EDAR: variants seen among roughly 807,000 people sequenced by gnomAD.
The protein encoded by EDAR is tumor necrosis factor receptor superfamily member EDAR.
Under a neutral mutation model 51.3 loss-of-function variants are expected in EDAR, and 38 were observed. The ratio of observed to expected loss-of-function variants is 0.74; its 90% confidence interval spans 0.57 to 0.97. The LOEUF is 0.97. Ranked by LOEUF, EDAR falls within the 50% of genes least tolerant of loss-of-function variation. The probability of loss-of-function intolerance (pLI) is 0.00; values close to 1 mark genes in which losing one functional copy is unlikely to be tolerated. For synonymous variants in EDAR, 227 were observed against 242.1 expected (o/e 0.94, Z 0.58); for missense variants, 528 against 595.0 (o/e 0.89, Z 1.17).
chr2:108,930,021 G>A, intron 3 of EDAR, 99 bp downstream of exon 3: 1 of 1,422,892 alleles, frequency 7.0e-7, no homozygotes, highest in Admixed American at 2.2e-5. Flanking sequence ...ATATACCCTG[G>A]CATCCCCTCA....
chr2:108,910,638 G>A, intron 8 of EDAR, 106 bp from the exon 9 acceptor site: 2 of 1,388,620 alleles, frequency 1.4e-6, no homozygotes, highest in Non-Finnish European at 2.0e-6. Context: ...CCCGGTGTCT[G>A]TGTGGCACCA....
intron 1 of EDAR, among the ~76,000 whole-genome samples, chr2:108,946,443 C>A (rs1286116679): frequency 6.6e-6 from 1 of 152,168 alleles, no homozygotes; most frequent in Non-Finnish European, 1.5e-5. Context: ...ATTGGCAGCA[C>A]CAAACAATTC....
At chr2:108,967,940 C>T (rs1698175495) in intron 1 of EDAR, among the ~76,000 whole-genome samples, 1 of 152,192 alleles carries the variant, frequency 6.6e-6, no homozygotes, top group Non-Finnish European at 1.5e-5. Context: ...CTTTGCGGAG[C>T]TGGAGGGCCC....
intron 7 of EDAR, 39 bp from the exon 8 acceptor site, chr2:108,910,889 A>G (rs1466592183): frequency 1.2e-6 from 2 of 1,613,926 alleles, no homozygotes; most frequent in Non-Finnish European, 1.7e-6. Flanking sequence ...AGGCTCTCCG[A>G]CAGGGGGAGT....
chr2:108,925,975 C>T (rs1452727642), intron 4 of EDAR, among the ~76,000 whole-genome samples: 1 of 152,198 alleles, frequency 6.6e-6, no homozygotes. Context: ...TGTCCTTCCT[C>T]ACCCAGTGAG....
intron 10 of EDAR, among the ~76,000 whole-genome samples, chr2:108,907,563 G>A (rs1696834366): frequency 6.6e-6 from 1 of 151,802 alleles, no homozygotes; most frequent in African/African-American, 2.4e-5. Context: ...CAGGAGAATT[G>A]CTTGAACCCA....
intron 1 of EDAR, among the ~76,000 whole-genome samples, chr2:108,985,168 A>AG (rs1306983910): frequency 6.6e-6 from 1 of 152,180 alleles, no homozygotes; most frequent in African/African-American, 2.4e-5. Context: ...ATTTGGGCTC[A>AG]CCTTTTAGTT....
At chr2:108,897,311 T>G in intron 11 of EDAR, 82 bp from the exon 12 acceptor site, 1 of 1,343,482 alleles carries the variant, frequency 7.4e-7, no homozygotes, top group Non-Finnish European at 1.0e-6. Flanking sequence ...TTAAATGAAA[T>G]AAAAATTATT....
intron 1 of EDAR, among the ~76,000 whole-genome samples, chr2:108,978,783 G>A (rs984753507): frequency 6.6e-6 from 1 of 152,134 alleles, no homozygotes; most frequent in South Asian, 2.1e-4. Flanking sequence ...CTGGAGAAAA[G>A]ACGGGAAAAT....
chr2:108,947,332 T>C (rs1234932035), intron 1 of EDAR, among the ~76,000 whole-genome samples: 1 of 152,148 alleles, frequency 6.6e-6, no homozygotes, highest in Non-Finnish European at 1.5e-5. Context: ...CTGTGGATTT[T>C]CCAAGTGCAT....
At chr2:108,975,019 T>C (rs1698297969) in intron 1 of EDAR, among the ~76,000 whole-genome samples, 1 of 152,170 alleles carries the variant, frequency 6.6e-6, no homozygotes, top group Non-Finnish European at 1.5e-5. Context: ...CAGCAAGCAC[T>C]GCCTTTCTAC....
rs746228812 is a variant in EDAR at position 108,942,619 on chromosome 2, G to C, written c.-18-11587C>G. ...TCTGCGCTGAGTGAGGCCGTGAGGC[G>C]GGCGGTTCCGCCACCTGCTTTCCAC... On this transcript the variant is annotated intron_variant, in intron 1 of 11. Transcript: ENST00000258443. 2.0e-5 allele frequency among the ~76,000 whole-genome samples: 3 copies of C among 152,272 alleles called. No homozygotes were observed. In the South Asian group the frequency reaches 6.2e-4, roughly 32 times the overall value.
intron 1 of EDAR, among the ~76,000 whole-genome samples, chr2:108,943,615 C>T (rs565653175): frequency 1.2e-4 from 19 of 152,146 alleles, no homozygotes; most frequent in Non-Finnish European, 2.5e-4. Context: ...GACTCACTTC[C>T]GAGCACAACA....
At chr2:108,921,744 C>G (rs1351370653) in intron 5 of EDAR, among the ~76,000 whole-genome samples, 2 of 152,200 alleles carry the variant, frequency 1.3e-5, no homozygotes, top group African/African-American at 2.4e-5. Context: ...GCATTCACAC[C>G]GAGGCCCTAA....
Position 108,899,495 on chromosome 2 carries a change from TAGTG to T in EDAR, c.1025-2270_1025-2267del, listed in dbSNP as rs573003662. On this transcript the variant is annotated intron_variant, in intron 11 of 11. Transcript: ENST00000258443. The stretch of plus-strand genomic sequence containing the variant: ...AAACTTGAGACATCAGAAAAGAACA[TAGTG>T]AGCAAAAATATGGGCACATACAATA... Among the ~76,000 whole-genome samples the T allele has an allele frequency of 3.2e-3, 487 of 152,264 alleles. 3 individuals are homozygous for T. The highest frequency in any genetic ancestry group is 5.9e-3 in the Non-Finnish European group (404 of 68,008).
At chr2:108,923,329 G>A in intron 5 of EDAR, 39 bp downstream of exon 5, 1 of 1,594,770 alleles carries the variant, frequency 6.3e-7, no homozygotes, top group Non-Finnish European at 8.6e-7. Flanking sequence ...GATCCGTGCT[G>A]AACAAATACC....
chr2:108,986,078 T>C (rs929313097), intron 1 of EDAR, among the ~76,000 whole-genome samples: 1 of 152,118 alleles, frequency 6.6e-6, no homozygotes, highest in African/African-American at 2.4e-5. Context: ...CTAAGGGCAA[T>C]GATGAAAAAT....
rs375461267 is a variant in EDAR, at chr2:108,978,573, G to GT, written c.-19+10386dup. ...CTGAGGTTCAGAGCACCGAGGAAAA[G>GT]TTTTTTTTTCTTGTTTAACAGTGAT... is the stretch of plus-strand genomic sequence containing the variant. On this transcript the variant is annotated intron_variant, in intron 1 of 11. Coordinates refer to ENST00000258443, the MANE Select transcript of EDAR (RefSeq NM_022336.4). Among the ~76,000 whole-genome samples the GT allele has an allele frequency of 2.6e-4, 40 of 151,676 alleles. No individual in the cohort carries two copies. The East Asian group carries it at 2.7e-3, about 10-fold the overall frequency.
At chr2:108,974,221 T>C (rs909140911) in intron 1 of EDAR, among the ~76,000 whole-genome samples, 1 of 147,468 alleles carries the variant, frequency 6.8e-6, no homozygotes, top group African/African-American at 2.5e-5. Flanking sequence ...TCCCAGCTAG[T>C]TGGGAGGTTG....
Sources: gnomAD v4.1 joint callset for allele counts (sites outside exome capture counted in the v4.1 genomes callset) on GRCh38, gnomAD v4.1.1 for gene constraint, MANE v1.5 for transcripts, NCBI Gene and HGNC (gene_info 2026-07-23, HGNC 2026-07-21) for gene names.